Variants in MAPKAPK2 observed in about 807,000 individuals in gnomAD.
The protein encoded by MAPKAPK2 is MAPK activated protein kinase 2, also known as MAP kinase-activated protein kinase 2.
A neutral mutation model predicts 48.8 loss-of-function variants in MAPKAPK2; 9 were observed. That is an observed-to-expected ratio of 0.18 (90% CI 0.11 to 0.32). The LOEUF (loss-of-function observed/expected upper bound fraction) is 0.32. Ranked by LOEUF, MAPKAPK2 falls within the 10% of genes least tolerant of loss-of-function variation. MAPKAPK2 has a pLI of 1.00. For missense variants in MAPKAPK2, 331 were observed against 498.3 expected (o/e 0.66, Z 3.20); for synonymous variants, 202 against 190.6 (o/e 1.06, Z -0.49).
At chr1:206,708,713 G>A (rs1673041817) in intron 1 of MAPKAPK2, among the ~76,000 whole-genome samples, 1 of 152,126 alleles carries the variant, frequency 6.6e-6, no homozygotes, top group Non-Finnish European at 1.5e-5. Flanking sequence ...CCAAACCTCT[G>A]TCAACTATAG....
chr1:206,710,314 CT>C (rs1285738227), intron 1 of MAPKAPK2, among the ~76,000 whole-genome samples: 1 of 152,196 alleles, frequency 6.6e-6, no homozygotes, highest in Non-Finnish European at 1.5e-5. Context: ...CTTGAAGAGT[CT>C]TTTGGTGATT....
At position 206,731,892 on chromosome 1, in the gene MAPKAPK2, G is replaced by A; in HGVS notation, c.1032G>A (p.Glu344=). The change falls in exon 9 of 10, where the codon GAG becomes GAA. Residue 344 remains glutamate, a synonymous_variant. Transcript: ENST00000367103. The surrounding 1 kb of genome is among the most constrained non-coding windows in gnomAD (Gnocchi z 5.9). The stretch of plus-strand genomic sequence containing the variant: ...TGCACACCAGCCGGGTCCTGAAGGA[G>A]GACAAGGAGCGGTGGGAGGATGTCA... ...TPLHTSRVLK[E]DKERWEDVKE... 6.2e-7 allele frequency: 1 copy of A among 1,614,204 alleles called. No homozygotes were observed. The highest frequency in any genetic ancestry group is 1.1e-5 in the South Asian group (1 of 91,074).
rs1328184114 is a variant in MAPKAPK2, at chr1:206,704,944, TG to T, written c.279+19440del. ...CGAGACACTCTGTGATCATCTAAAC[TG>T]GGGAACAGTCTGCAATGCACATTAC... On this transcript the variant is annotated intron_variant, in intron 1 of 9. Transcript: ENST00000367103. The surrounding 1 kb of genome is among the most constrained non-coding windows in gnomAD (Gnocchi z 4.3). Among the ~76,000 whole-genome samples the T allele has an allele frequency of 6.6e-6, 1 of 152,210 alleles. No individual in the cohort carries two copies. The highest frequency in any genetic ancestry group is 1.5e-5 in the Non-Finnish European group (1 of 68,028).
At chr1:206,721,756 A>G (rs2102407080) in intron 1 of MAPKAPK2, among the ~76,000 whole-genome samples, 1 of 152,336 alleles carries the variant, frequency 6.6e-6, no homozygotes, top group Non-Finnish European at 1.5e-5. Flanking sequence ...AGTGGGTGAG[A>G]TGACCCATTT....
Position 206,722,810 on chromosome 1 carries a change from G to A in MAPKAPK2, c.280-5900G>A, listed in dbSNP as rs542486568. Among the ~76,000 whole-genome samples, 18 of 152,300 alleles carry A rather than the reference G, an allele frequency of 1.2e-4. 1 individual carries two copies. Among genetic ancestry groups the A allele is most frequent in the South Asian group, 6.2e-4 (3 of 4,820 alleles). On this transcript the variant is annotated intron_variant, in intron 1 of 9. Coordinates refer to ENST00000367103, the MANE Select transcript of MAPKAPK2 (RefSeq NM_032960.4). ...GCTCACCTGCAGCAGCTGCCCTCCC[G>A]AGTCCTCTTTCCTTTACACCCCTCA...
At chr1:206,703,407 C>T (rs575816807) in intron 1 of MAPKAPK2, among the ~76,000 whole-genome samples, 2 of 152,088 alleles carry the variant, frequency 1.3e-5, no homozygotes, top group Non-Finnish European at 2.9e-5. Context: ...GCCTGGGTGG[C>T]GTATTGGCAG....
chr1:206,708,698 G>A (rs151104899), intron 1 of MAPKAPK2, among the ~76,000 whole-genome samples: 1 of 152,216 alleles, frequency 6.6e-6, no homozygotes, highest in East Asian at 1.9e-4. Context: ...CTCTATCTGT[G>A]CAACCCAAAC....
At chr1:206,721,347 G>T (rs905508966) in intron 1 of MAPKAPK2, among the ~76,000 whole-genome samples, 4 of 152,200 alleles carry the variant, frequency 2.6e-5, no homozygotes, top group African/African-American at 9.7e-5. Flanking sequence ...AGATTACCCA[G>T]TCTCAGGTAT....
At chr1:206,724,895 A>C (rs1452759042) in intron 1 of MAPKAPK2, among the ~76,000 whole-genome samples, 24 of 152,208 alleles carry the variant, frequency 1.6e-4, no homozygotes, top group African/African-American at 5.8e-4. Context: ...GCAAAATGGT[A>C]AATTTTTTCA....
chr1:206,714,273 T>A (rs1673249678), intron 1 of MAPKAPK2, among the ~76,000 whole-genome samples: 1 of 152,154 alleles, frequency 6.6e-6, no homozygotes, highest in Admixed American at 6.5e-5. Flanking sequence ...TTCATAGAGG[T>A]CCAGACCCCT....
Position 206,705,720 on chromosome 1 carries a change from A to G in MAPKAPK2, c.279+20212A>G, listed in dbSNP as rs192527070. ...TTACCCAGGGAGCTGAGACAAAGGC[A>G]TTTTGGGTTAAATTCAAGGAGGAAT... On this transcript the variant is annotated intron_variant, in intron 1 of 9. Coordinates refer to ENST00000367103, the MANE Select transcript of MAPKAPK2 (RefSeq NM_032960.4). Among the ~76,000 whole-genome samples the G allele has an allele frequency of 1.9e-3, 290 of 152,330 alleles. 1 individual carries two copies. Among genetic ancestry groups the G allele is most frequent in the Admixed American group, 3.3e-3 (50 of 15,304 alleles).
intron 1 of MAPKAPK2, among the ~76,000 whole-genome samples, chr1:206,723,889 G>T (rs1553431560): frequency 6.6e-6 from 1 of 152,242 alleles, no homozygotes. Flanking sequence ...TTGGGCCCCT[G>T]CCCCTGCCAC....
At chr1:206,718,558 G>T (rs1321176934) in intron 1 of MAPKAPK2, among the ~76,000 whole-genome samples, 1 of 149,432 alleles carries the variant, frequency 6.7e-6, no homozygotes, top group Non-Finnish European at 1.5e-5. Context: ...AAAAAAATAG[G>T]ATGTTAAAGA....
chr1:206,722,292 G>A (rs1553431316), intron 1 of MAPKAPK2, among the ~76,000 whole-genome samples: 4 of 152,056 alleles, frequency 2.6e-5, no homozygotes, highest in Non-Finnish European at 4.4e-5. Flanking sequence ...CCCGGGAAGC[G>A]GAGCTTGCAG....
intron 1 of MAPKAPK2, among the ~76,000 whole-genome samples, chr1:206,727,962 G>A (rs1428050712): frequency 2.6e-5 from 4 of 152,162 alleles, no homozygotes; most frequent in Non-Finnish European, 5.9e-5. Context: ...TGAGTTGTAG[G>A]CTTGTTCCCA....
chr1:206,717,891 C>G (rs1553430611), intron 1 of MAPKAPK2, among the ~76,000 whole-genome samples: 1 of 152,112 alleles, frequency 6.6e-6, no homozygotes, highest in Non-Finnish European at 1.5e-5. Flanking sequence ...ACACGCCTCT[C>G]TCTAGTACCT....
chr1:206,705,285 A>C (rs1236813058), intron 1 of MAPKAPK2, among the ~76,000 whole-genome samples: 1 of 152,158 alleles, frequency 6.6e-6, no homozygotes, highest in Non-Finnish European at 1.5e-5. Flanking sequence ...CTTCTATTGA[A>C]ATCAGCTCTG....
At chr1:206,720,352 T>TTTTTGTTTTGTTTTGTTTTG (rs549265514) in intron 1 of MAPKAPK2, among the ~76,000 whole-genome samples, 1 of 152,114 alleles carries the variant, frequency 6.6e-6, no homozygotes, top group Non-Finnish European at 1.5e-5. Context: ...GCCTTTATTG[T>TTTTTGTTTTGTTTTGTTTTG]TTTTGTTTTG....
chr1:206,718,327 C>T (rs1235593421), intron 1 of MAPKAPK2, among the ~76,000 whole-genome samples: 1 of 152,042 alleles, frequency 6.6e-6, no homozygotes, highest in African/African-American at 2.4e-5. Flanking sequence ...GTCAGGAGAT[C>T]GAGCCCATCC....
Sources: gnomAD v4.1 joint callset for allele counts (sites outside exome capture counted in the v4.1 genomes callset) on GRCh38, gnomAD v4.1.1 for gene constraint, Gnocchi (gnomAD v3.1) non-coding constraint, MANE v1.5 for transcripts, NCBI Gene and HGNC (gene_info 2026-07-23, HGNC 2026-07-21) for gene names.